Variants in NSUN5 observed in about 807,000 individuals in gnomAD.
The protein encoded by NSUN5 is 28S rRNA (cytosine-C(5))-methyltransferase.
NSUN5 carries 39 observed loss-of-function variants against 51.1 expected under a neutral mutation model. The observed-to-expected ratio is 0.76, with a 90% CI of 0.59 to 1.00. The LOEUF (loss-of-function observed/expected upper bound fraction) is 1.00, where lower values mean the gene tolerates loss of function less well. Ranked by LOEUF, NSUN5 falls within the 50% of genes least tolerant of loss-of-function variation. NSUN5 has a pLI of 0.00. For synonymous variants in NSUN5, 266 were observed against 271.5 expected, an observed-to-expected ratio of 0.98 and a Z score of 0.20; for missense variants, 526 against 614.0, an observed-to-expected ratio of 0.86 and a Z score of 1.51.
At chr7:73,307,122 G>A (rs1804070298) in intron 4 of NSUN5, among the ~76,000 whole-genome samples, 1 of 152,192 alleles carries the variant, frequency 6.6e-6, no homozygotes, top group Non-Finnish European at 1.5e-5. Context: ...AAGAATGCAA[G>A]AGGGAAGTCT....
At position 73,307,747 on chromosome 7, in the gene NSUN5, T is replaced by C. The variant is rs1170755050; in HGVS notation, c.227A>G (p.Tyr76Cys). Reference protein sequence around the residue: ...LRPHLAKVLVYELLLGKGFRG... With the variant: ...LRPHLAKVLVCELLLGKGFRG... ...AAAGCCCTTTCCCAACAACAACTCA[T>C]ACACTAGCACCTGGGAATGAGGGAA... The change falls in exon 3 of 10, where the codon TAT (tyrosine) becomes TGT (cysteine). Residue 76 changes from tyrosine (Y) to cysteine (C), a missense_variant. By Grantham distance (194) the Tyr-to-Cys change is radical. Coordinates refer to ENST00000438747, the MANE Select transcript of NSUN5 (RefSeq NM_148956.4). 1.9e-6 allele frequency: 3 copies of C among 1,562,170 alleles called. No homozygotes were observed. The highest frequency in any genetic ancestry group is 2.4e-5 in the East Asian group (1 of 41,658).
rs1586455399 is a variant in NSUN5, at chr7:73,302,939, C to T, written c.*476G>A. ...TTAGGATTGGAGGGTCTGGGTGGGC[C>T]TGGGCCTAGCAATCAAGCTTCTACC... On this transcript the variant is annotated 3_prime_UTR_variant, in exon 10 of 10. Transcript: ENST00000438747. 1 of 1,089,378 alleles carries T rather than the reference C, an allele frequency of 9.2e-7. No individual in the cohort carries two copies. The highest frequency in any genetic ancestry group is 1.1e-6 in the Non-Finnish European group (1 of 891,512). The allele number at this position is 1,089,378 out of a possible 1,614,324, so 67.5% of individuals were successfully genotyped here.
chr7:73,307,668 G>C lies in NSUN5; in HGVS notation c.306C>G (p.Leu102=), dbSNP rs150367445. The C allele has an allele frequency of 3.0e-5, 48 of 1,612,368 alleles. No homozygotes were observed. Among genetic ancestry groups the C allele is most frequent in the Non-Finnish European group, 3.8e-5 (45 of 1,179,746 alleles). The change falls in exon 3 of 10, where the codon CTC becomes CTG. Residue 102 remains leucine (L), a synonymous_variant. Coordinates refer to ENST00000438747, the MANE Select transcript of NSUN5 (RefSeq NM_148956.4). Reference sequence around the variant, plus strand: ...CCTTGAGCCGAGCCAACTCAGCCTTGAGCCTCGCCTGGTGCCGGCCCAACA... The same window carrying C: ...CCTTGAGCCGAGCCAACTCAGCCTTCAGCCTCGCCTGGTGCCGGCCCAACA... ...KALLGRHQAR[L]KAELARLKVH... is the part of the protein sequence containing the mutation.
chr7:73,304,276 G>A lies in NSUN5; in HGVS notation c.888C>T (p.Tyr296=), dbSNP rs2115635376. The change falls in exon 7 of 10, where the codon TAC becomes TAT. Residue 296 remains tyrosine, a synonymous_variant. Transcript: ENST00000438747. ...FLAVSPSDPR[Y]HEVHYILLDP... ...CCAGCAGGATGTAGTGGACCTCATG[G>A]TAGCGTGGATCCGAGGGGGAGACCG... 6.2e-7 allele frequency: 1 copy of A among 1,614,148 alleles called. No individual in the cohort carries two copies. The highest frequency in any genetic ancestry group is 1.1e-5 in the South Asian group (1 of 91,082).
chr7:73,303,394 G>A lies in NSUN5; in HGVS notation c.*21C>T, dbSNP rs781983169. On this transcript the variant is annotated 3_prime_UTR_variant, in exon 10 of 10. Transcript: ENST00000438747. Reference sequence around the variant, plus strand: ...AGGCATCTTCCTTTCCCACCAGGAAGGAGTCAGCCCGGAGCCTCTGCTATG... The same window carrying A: ...AGGCATCTTCCTTTCCCACCAGGAAAGAGTCAGCCCGGAGCCTCTGCTATG... 2 of 1,614,104 alleles carry A rather than the reference G, an allele frequency of 1.2e-6. No individual in the cohort carries two copies. Among genetic ancestry groups the A allele is most frequent in the Non-Finnish European group, 8.5e-7 (1 of 1,179,962 alleles).
chr7:73,308,751 C>G lies in NSUN5; in HGVS notation c.40G>C (p.Val14Leu). 1.2e-6 allele frequency: 2 copies of G among 1,612,886 alleles called. No homozygotes were observed. The highest frequency in any genetic ancestry group is 1.7e-6 in the Non-Finnish European group (2 of 1,179,832). The change falls in exon 1 of 10, where the codon GTG (valine) becomes CTG (leucine). Residue 14 changes from valine to leucine, a missense_variant. Physicochemically the swap from Val to Leu is conservative, Grantham distance 32. Transcript: ENST00000438747. The stretch of plus-strand genomic sequence containing the variant: ...TTGATAGAGCCCTGGCGGCTCTCCA[C>G]GCCGGCCAACACGCCTGCAGCTGCA... ...YAAAAGVLAG[V>L]ESRQGSIKGL... is the part of the protein sequence containing the mutation.
In NSUN5 at chr7:73,308,824, C is replaced by T. The variant is rs1287086418; in HGVS notation, c.-34G>A. On this transcript the variant is annotated 5_prime_UTR_variant, in exon 1 of 10. Coordinates refer to ENST00000438747, the MANE Select transcript of NSUN5 (RefSeq NM_148956.4). ...GCGCCTTTACGGCTCTGTGGCAAAACGCACCCGGCTCGGCGCCCGCCCGGA... is the reference window on the plus strand; with the variant it reads ...GCGCCTTTACGGCTCTGTGGCAAAATGCACCCGGCTCGGCGCCCGCCCGGA... 3.7e-6 allele frequency: 6 copies of T among 1,601,962 alleles called. No individual in the cohort carries two copies. The highest frequency in any genetic ancestry group is 4.3e-6 in the Non-Finnish European group (5 of 1,171,100).
chr7:73,306,176 G>A (rs781858231), intron 4 of NSUN5, among the ~76,000 whole-genome samples: 15 of 151,910 alleles, frequency 9.9e-5, no homozygotes, highest in Non-Finnish European at 2.1e-4. Flanking sequence ...CTGAAGTCAG[G>A]AGCCTCGAGA....
intron 2 of NSUN5, 103 bp downstream of exon 2, chr7:73,308,328 G>T: frequency 7.1e-7 from 1 of 1,416,078 alleles, no homozygotes; most frequent in South Asian, 1.4e-5. Flanking sequence ...CATTTCAGAT[G>T]AGCGACTTGC....
Position 73,307,620 on chromosome 7 carries a change from A to G in NSUN5, c.354T>C (p.Asn118=). 6.5e-7 allele frequency: 1 copy of G among 1,529,788 alleles called. No individual in the cohort carries two copies. Among genetic ancestry groups the G allele is most frequent in the Non-Finnish European group, 8.8e-7 (1 of 1,137,596 alleles). 94.8% of individuals were successfully genotyped at this position (1,529,788 alleles called of 1,614,324 possible). A position where few individuals can be genotyped will look rare whatever the true frequency, so the allele number is the denominator to read the frequency against. The part of the protein sequence containing the change: ...RLKVHRGVSR[N]EDLLEVGSRP... ...TGGATCCCACTTCCAACAGGTCCTC[A>G]TTCCGGCTCACACCCCGATGAACCT... The change falls in exon 3 of 10, where the codon AAT becomes AAC. Residue 118 remains asparagine (N), a synonymous_variant. Coordinates refer to ENST00000438747, the MANE Select transcript of NSUN5 (RefSeq NM_148956.4).
At position 73,303,657 on chromosome 7, in the gene NSUN5, T is replaced by G. The variant is rs782007407; in HGVS notation, c.1229A>C (p.Glu410Ala). ...GAAGAAGCCACTGCTGAGTGTGGTC[T>G]CAGGGGAGGCCCGGAGGCAGTGCTC... ...GAEHCLRASP[E>A]TTLSSGFFVA... Residue 410 changes from glutamate to alanine, a missense_variant, in exon 9 of 10, where the codon GAG (glutamate) becomes GCG (alanine). Physicochemically the swap from Glu to Ala is moderately radical, Grantham distance 107 (BLOSUM62 -1). Coordinates refer to ENST00000438747, the MANE Select transcript of NSUN5 (RefSeq NM_148956.4). 6.2e-7 allele frequency: 1 copy of G among 1,614,114 alleles called. No homozygotes were observed. The highest frequency in any genetic ancestry group is 8.5e-7 in the Non-Finnish European group (1 of 1,180,004).
chr7:73,305,966 T>C (rs1350021154), intron 4 of NSUN5, among the ~76,000 whole-genome samples: 1 of 151,866 alleles, frequency 6.6e-6, no homozygotes, highest in African/African-American at 2.4e-5. Flanking sequence ...ACGAGACAGG[T>C]GTGAGCCCAG....
Position 73,307,348 on chromosome 7 carries a change from C to T in NSUN5, c.500+46G>A, listed in dbSNP as rs782384889. The T allele has an allele frequency of 2.1e-5, 30 of 1,404,624 alleles. 1 individual carries two copies. The highest frequency in any genetic ancestry group is 2.6e-5 in the Non-Finnish European group (26 of 990,570). 87.0% of individuals were successfully genotyped at this position (1,404,624 alleles called of 1,614,324 possible). A position where few individuals can be genotyped will look rare whatever the true frequency, so the allele number is the denominator to read the frequency against. Reference sequence around the variant, plus strand: ...TCCAGCCACTTCTCTTCCCAATACCCCAGACACCTCCCTAGATGAGGACAG... The same window carrying T: ...TCCAGCCACTTCTCTTCCCAATACCTCAGACACCTCCCTAGATGAGGACAG... On this transcript the variant is annotated intron_variant, in intron 4 of 9. Coordinates refer to ENST00000438747, the MANE Select transcript of NSUN5 (RefSeq NM_148956.4).
intron 2 of NSUN5, chr7:73,308,180 C>G: frequency 2.0e-6 from 1 of 506,972 alleles, no homozygotes. Context: ...ACCACAGGTG[C>G]GCGCCGCCAC....
At chr7:73,307,185 A>G (rs1247161629) in intron 4 of NSUN5, among the ~76,000 whole-genome samples, 6 of 152,140 alleles carry the variant, frequency 3.9e-5, no homozygotes, top group Non-Finnish European at 8.8e-5. Flanking sequence ...AGCTAGAGAA[A>G]AAACGGAGAG....
rs1462729037 is a variant in NSUN5, at chr7:73,304,382, G to A, written c.782C>T (p.Ala261Val). ...QGKIFAFDLDAKRLASMATLL... is the reference protein window; with the variant it reads ...QGKIFAFDLDVKRLASMATLL... ...CGTGGCCATGGATGCCAGCCGCTTG[G>A]CATCCAGGTCAAAGGCAAAGATCTT... Residue 261 changes from alanine to valine, a missense_variant, in exon 7 of 10, where the codon GCC becomes GTC. By Grantham distance (64) the Ala-to-Val change is moderately conservative. Coordinates refer to ENST00000438747, the MANE Select transcript of NSUN5 (RefSeq NM_148956.4). 5.6e-6 allele frequency: 9 copies of A among 1,613,164 alleles called. No individual in the cohort carries two copies. The East Asian group carries it at 2.0e-4, about 36-fold the overall frequency.
At position 73,307,766 on chromosome 7, in the gene NSUN5, G is replaced by A. The variant is rs1198542643; in HGVS notation, c.217-9C>T. The A allele has an allele frequency of 6.5e-7, 1 of 1,538,688 alleles. No individual in the cohort carries two copies. Among genetic ancestry groups the A allele is most frequent in the Non-Finnish European group, 8.8e-7 (1 of 1,139,372 alleles). ...AACTCATACACTAGCACCTGGGAATGAGGGAACAAAGACAAAAACAAAAAT... is the reference window on the plus strand; with the variant it reads ...AACTCATACACTAGCACCTGGGAATAAGGGAACAAAGACAAAAACAAAAAT... On this transcript the variant is annotated splice_polypyrimidine_tract_variant and intron_variant, in intron 2 of 9. Transcript: ENST00000438747.
chr7:73,305,254 G>A (rs1293795288), intron 4 of NSUN5, among the ~76,000 whole-genome samples, 157 bp from the exon 5 acceptor site: 9 of 152,170 alleles, frequency 5.9e-5, no homozygotes, highest in South Asian at 2.1e-4. Context: ...GGAATGGGTT[G>A]TCAAGCCAGA....
intron 4 of NSUN5, among the ~76,000 whole-genome samples, chr7:73,306,385 CAAAAAAAAAA>C (rs36038371): frequency 2.7e-4 from 7 of 26,022 alleles, no homozygotes; most frequent in African/African-American, 1.1e-3. Flanking sequence ...ACCCTTGTCT[CAAAAAAAAAA>C]AAAAAAAAAA....
Sources: gnomAD v4.1 joint callset for allele counts (sites outside exome capture counted in the v4.1 genomes callset) on GRCh38, gnomAD v4.1.1 for gene constraint, MANE v1.5 for transcripts, NCBI Gene and HGNC (gene_info 2026-07-23, HGNC 2026-07-21) for gene names.